ASIC2: variants seen among roughly 807,000 people sequenced by gnomAD.
The protein encoded by ASIC2 is acid sensing ion channel subunit 2.
A neutral mutation model predicts 57.3 loss-of-function variants in ASIC2; 25 were observed. The observed-to-expected ratio is 0.44, with a 90% CI of 0.32 to 0.61. The LOEUF (loss-of-function observed/expected upper bound fraction) is 0.61. ASIC2 is among the 20% of genes least tolerant of loss of function. The pLI is 0.06. For synonymous variants in ASIC2, 319 were observed against 307.5 expected (o/e 1.04, Z -0.39); for missense variants, 641 against 738.1 (o/e 0.87, Z 1.52).
At chr17:33,232,466 T>TATGGA (rs1171247503) in intron 1 of ASIC2, among the ~76,000 whole-genome samples, 3 of 148,148 alleles carry the variant, frequency 2.0e-5, no homozygotes, top group African/African-American at 7.6e-5. Context: ...TATGGTATGG[T>TATGGA]ATGGTATGGT....
At chr17:33,814,248 C>A (rs146148644) in intron 1 of ASIC2, among the ~76,000 whole-genome samples, 20 of 152,256 alleles carry the variant, frequency 1.3e-4, no homozygotes, top group Non-Finnish European at 2.5e-4. Context: ...ATCAAGCTTC[C>A]TCCATGGGAA....
At chr17:33,705,193 A>T (rs1464380898) in intron 1 of ASIC2, among the ~76,000 whole-genome samples, 2 of 152,204 alleles carry the variant, frequency 1.3e-5, no homozygotes, top group Non-Finnish European at 2.9e-5. Flanking sequence ...TATGTTCATT[A>T]TTCAAGAACA....
At chr17:33,236,660 G>C (rs995288596) in intron 1 of ASIC2, among the ~76,000 whole-genome samples, 30 of 152,142 alleles carry the variant, frequency 2.0e-4, no homozygotes, top group African/African-American at 6.8e-4. Context: ...GGTCTTTAGA[G>C]ATGTAATTAG....
intron 1 of ASIC2, among the ~76,000 whole-genome samples, chr17:33,412,940 C>G (rs538894008): frequency 1.7e-4 from 26 of 152,282 alleles, no homozygotes; most frequent in Admixed American, 5.9e-4. Context: ...AGGAACCCCC[C>G]ACCTGCTGCC....
chr17:33,358,824 A>G (rs904627239), intron 1 of ASIC2, among the ~76,000 whole-genome samples: 4 of 152,186 alleles, frequency 2.6e-5, no homozygotes, highest in Non-Finnish European at 5.9e-5. Context: ...ACCTCTTTGT[A>G]TTTTCTTCCT....
intron 1 of ASIC2, among the ~76,000 whole-genome samples, chr17:33,460,595 A>C (rs915835501): frequency 2.6e-5 from 4 of 152,230 alleles, no homozygotes; most frequent in Admixed American, 1.3e-4. Flanking sequence ...CTAATGGCCA[A>C]AGATTATTTA....
At chr17:33,436,719 C>A (rs1013305257) in intron 1 of ASIC2, among the ~76,000 whole-genome samples, 1 of 152,074 alleles carries the variant, frequency 6.6e-6, no homozygotes, top group Admixed American at 6.6e-5. Flanking sequence ...CTTTCTTTAC[C>A]GCAATACCAC....
chr17:33,837,302 C>A (rs1379094044), intron 1 of ASIC2, among the ~76,000 whole-genome samples: 1 of 152,140 alleles, frequency 6.6e-6, no homozygotes, highest in African/African-American at 2.4e-5. Flanking sequence ...CTTGCATTGG[C>A]CCTGAGATTC....
chr17:33,547,521 G>C (rs930152970), intron 1 of ASIC2, among the ~76,000 whole-genome samples: 3 of 152,038 alleles, frequency 2.0e-5, no homozygotes, highest in African/African-American at 7.2e-5. Flanking sequence ...GATCACAACA[G>C]TCTCTGGGCC....
chr17:34,093,505 C>T lies in ASIC2; in HGVS notation c.555+62473G>A, dbSNP rs117954971. Among the ~76,000 whole-genome samples the T allele has an allele frequency of 9.4e-3, 1,436 of 152,288 alleles. 16 individuals carry two copies. Among genetic ancestry groups the T allele is most frequent in the South Asian group, 0.039 (188 of 4,824 alleles). Reference sequence around the variant, plus strand: ...CAACTCCTTCCTGGCTCCCACCTGACCAGACTGTAAACTCCAAAAGGCAAG... The same window carrying T: ...CAACTCCTTCCTGGCTCCCACCTGATCAGACTGTAAACTCCAAAAGGCAAG... On this transcript the variant is annotated intron_variant, in intron 1 of 9. Transcript: ENST00000359872.
intron 1 of ASIC2, among the ~76,000 whole-genome samples, chr17:33,553,650 T>C (rs1046747153): frequency 6.6e-6 from 1 of 152,158 alleles, no homozygotes; most frequent in African/African-American, 2.4e-5. Context: ...AAAGCTTCTT[T>C]AATACCAGAT....
intron 3 of ASIC2, among the ~76,000 whole-genome samples, chr17:33,063,305 G>T (rs533796474): frequency 6.6e-6 from 1 of 152,206 alleles, no homozygotes; most frequent in Non-Finnish European, 1.5e-5. Flanking sequence ...GGTACCAGCT[G>T]TTCCTTTCCA....
At chr17:33,926,122 C>T (rs1380075204) in intron 1 of ASIC2, among the ~76,000 whole-genome samples, 1 of 152,082 alleles carries the variant, frequency 6.6e-6, no homozygotes, top group African/African-American at 2.4e-5. Context: ...TGGTTGAGTA[C>T]CTGAAAGTTT....
chr17:33,439,789 C>T (rs1597728358), intron 1 of ASIC2, among the ~76,000 whole-genome samples: 1 of 152,152 alleles, frequency 6.6e-6, no homozygotes, highest in Admixed American at 6.5e-5. Context: ...GATGATTCAA[C>T]ATGTTACAAG....
At chr17:34,024,797 T>C (rs924911594) in intron 1 of ASIC2, among the ~76,000 whole-genome samples, 1 of 152,340 alleles carries the variant, frequency 6.6e-6, no homozygotes, top group East Asian at 1.9e-4. Flanking sequence ...TTTTTTGTGG[T>C]TTAGGATCAT....
At chr17:34,147,411 C>G (rs141663302) in intron 1 of ASIC2, among the ~76,000 whole-genome samples, 1 of 152,284 alleles carries the variant, frequency 6.6e-6, no homozygotes, top group African/African-American at 2.4e-5. Flanking sequence ...ATATCGAAAT[C>G]AGAAGAAAAT....
At chr17:33,038,049 A>G (rs1299897687) in intron 3 of ASIC2, among the ~76,000 whole-genome samples, 1 of 152,200 alleles carries the variant, frequency 6.6e-6, no homozygotes, top group African/African-American at 2.4e-5. Context: ...GAGATAGCAG[A>G]ATGACCCATG....
chr17:33,397,952 A>G (rs1910139223), intron 1 of ASIC2, among the ~76,000 whole-genome samples: 1 of 152,208 alleles, frequency 6.6e-6, no homozygotes, highest in Non-Finnish European at 1.5e-5. Flanking sequence ...CCAAATAATG[A>G]CCTTCTCAAT....
At chr17:33,364,634 C>T (rs1394863969) in intron 1 of ASIC2, among the ~76,000 whole-genome samples, 4 of 152,184 alleles carry the variant, frequency 2.6e-5, no homozygotes, top group South Asian at 2.1e-4. Flanking sequence ...CTTGCTTCCT[C>T]TCTGCCTTCC....
Sources: gnomAD v4.1 joint callset for allele counts (sites outside exome capture counted in the v4.1 genomes callset) on GRCh38, gnomAD v4.1.1 for gene constraint, MANE v1.5 for transcripts, NCBI Gene and HGNC (gene_info 2026-07-23, HGNC 2026-07-21) for gene names.